The following USP31 variants were observed in gnomAD, a reference collection of about 807,000 sequenced individuals.
USP31 encodes the protein ubiquitin specific peptidase 31.
A neutral mutation model predicts 119.4 loss-of-function variants in USP31; 44 were observed. That is an observed-to-expected ratio of 0.37 (90% CI 0.29 to 0.47). USP31 has a LOEUF of 0.47. Ranked by LOEUF, USP31 falls within the 20% of genes least tolerant of loss-of-function variation. USP31 has a pLI of 0.99. For synonymous variants in USP31, 749 were observed against 705.6 expected (o/e 1.06, Z -0.97); for missense variants, 1,643 against 1,730.2 (o/e 0.95, Z 0.89).
At chr16:23,135,138 A>T (rs1364639334) in intron 1 of USP31, among the ~76,000 whole-genome samples, 13 of 60,868 alleles carry the variant, frequency 2.1e-4, no homozygotes, top group Admixed American at 9.6e-4. Context: ...TTCATGATTT[A>T]AAAAAAAAAA....
Position 23,090,746 on chromosome 16 carries a change from C to T in USP31, c.1293G>A (p.Leu431=). The change falls in exon 7 of 16, where the codon CTG becomes CTA. Residue 431 remains leucine (L), a synonymous_variant. Transcript: ENST00000219689. The stretch of plus-strand genomic sequence containing the variant: ...TTGCTGCTGTTTGTGTAGGAGAAGA[C>T]AGTCTATGATAATCCAAGCCAAATT... ...HLKFGLDYHR[L]SSPTQTAAKQ... 6.2e-7 allele frequency: 1 copy of T among 1,613,802 alleles called. No homozygotes were observed. Among genetic ancestry groups the T allele is most frequent in the Non-Finnish European group, 8.5e-7 (1 of 1,179,776 alleles).
At chr16:23,082,831 CTTTTTTTT>C (rs71151692) in intron 11 of USP31, among the ~76,000 whole-genome samples, 3 of 129,312 alleles carry the variant, frequency 2.3e-5, no homozygotes, top group South Asian at 5.0e-4. Context: ...CTTTCTCTCT[CTTTTTTTT>C]TTTTTTTTTG....
At chr16:23,134,717 T>C (rs1020820658) in intron 1 of USP31, among the ~76,000 whole-genome samples, 1 of 148,160 alleles carries the variant, frequency 6.7e-6, no homozygotes, top group Non-Finnish European at 1.5e-5. Context: ...AATTATCCTA[T>C]ATACAAGAAT....
rs977386625 is a variant in USP31, at chr16:23,064,906, C to T, written c.*3140G>A. 1 of 152,162 alleles carries T rather than the reference C, an allele frequency of 6.6e-6. No homozygotes were observed. The highest frequency in any genetic ancestry group is 1.5e-5 in the Non-Finnish European group (1 of 68,028). The allele number at this position is 152,162 out of a possible 1,614,324, so 9.4% of individuals were successfully genotyped here. A position where few individuals can be genotyped will look rare whatever the true frequency, so the allele number is the denominator to read the frequency against. On this transcript the variant is annotated 3_prime_UTR_variant, in exon 16 of 16. Coordinates refer to ENST00000219689, the MANE Select transcript of USP31 (RefSeq NM_020718.4). Reference sequence around the variant, plus strand: ...ACAGTATTTTAGCACACCACAAATACTCCCACATCCGTTCCCACTGGTCCA... The same window carrying T: ...ACAGTATTTTAGCACACCACAAATATTCCCACATCCGTTCCCACTGGTCCA...
chr16:23,113,119 T>C (rs1181861351), intron 1 of USP31, among the ~76,000 whole-genome samples: 1 of 152,098 alleles, frequency 6.6e-6, no homozygotes. Context: ...TAGGTGTCAC[T>C]ATACTGACGG....
chr16:23,125,717 T>C (rs190193982), intron 1 of USP31, among the ~76,000 whole-genome samples: 4 of 152,210 alleles, frequency 2.6e-5, no homozygotes, highest in Admixed American at 2.0e-4. Flanking sequence ...GTTGTCACTG[T>C]ACTGTTATAA....
rs1399798241 is a variant in USP31, at chr16:23,062,928, A to G, written c.*5118T>C. The G allele has an allele frequency of 6.6e-6, 1 of 152,668 alleles. No individual in the cohort carries two copies. Among genetic ancestry groups the G allele is most frequent in the Non-Finnish European group, 1.5e-5 (1 of 68,044 alleles). The allele number at this position is 152,668 out of a possible 1,614,324, so 9.5% of individuals were successfully genotyped here. ...AATTCAAATGGCAGTGATTCTCGCC[A>G]TAATTCTCAGTAAAGGGATGACGTA... On this transcript the variant is annotated 3_prime_UTR_variant, in exon 16 of 16. Transcript: ENST00000219689.
At chr16:23,147,034 G>C (rs1854690016) in intron 1 of USP31, among the ~76,000 whole-genome samples, 1 of 151,202 alleles carries the variant, frequency 6.6e-6, no homozygotes, top group African/African-American at 2.4e-5. Flanking sequence ...ATCAAGCTGA[G>C]ACTTCGTCCT....
intron 1 of USP31, among the ~76,000 whole-genome samples, chr16:23,117,383 G>A (rs1182764907): frequency 6.6e-6 from 1 of 152,156 alleles, no homozygotes; most frequent in African/African-American, 2.4e-5. Context: ...GCTGAATAAC[G>A]ACTAGTAAAG....
At chr16:23,080,240 G>T (rs1900758280) in intron 12 of USP31, 69 bp from the exon 13 acceptor site, 6 of 1,347,758 alleles carry the variant, frequency 4.5e-6, no homozygotes, top group Admixed American at 4.7e-5. Context: ...ACTTTAGAGG[G>T]GAATGTGGAT....
chr16:23,073,532 C>T (rs1394926491), intron 14 of USP31, among the ~76,000 whole-genome samples, 190 bp downstream of exon 14: 4 of 152,168 alleles, frequency 2.6e-5, no homozygotes, highest in Non-Finnish European at 5.9e-5. Context: ...TCCACTGGGC[C>T]ACAGGTGCTG....
At chr16:23,118,240 CA>C (rs2141885366) in intron 1 of USP31, among the ~76,000 whole-genome samples, 1 of 152,232 alleles carries the variant, frequency 6.6e-6, no homozygotes, top group Non-Finnish European at 1.5e-5. Context: ...AAACTCTGTA[CA>C]GATGCTATTA....
At chr16:23,118,654 G>A (rs939317046) in intron 1 of USP31, among the ~76,000 whole-genome samples, 7 of 152,102 alleles carry the variant, frequency 4.6e-5, no homozygotes, top group African/African-American at 1.4e-4. Flanking sequence ...TGTATCACTA[G>A]ACAGTGAACA....
chr16:23,110,830 G>GC (rs1902290501), intron 1 of USP31, among the ~76,000 whole-genome samples: 2 of 152,118 alleles, frequency 1.3e-5, no homozygotes, highest in Non-Finnish European at 2.9e-5. Context: ...ATATATGGGA[G>GC]TAAAGAGAAA....
Position 23,137,012 on chromosome 16 carries a change from A to C in USP31, c.633+11626T>G, listed in dbSNP as rs138535075. Among the ~76,000 whole-genome samples the C allele has an allele frequency of 9.3e-3, 1,410 of 152,314 alleles. 17 individuals carry two copies. The highest frequency in any genetic ancestry group is 0.029 in the African/African-American group (1,223 of 41,564). ...TGGATCACTTGAGCCCAGGAGTTCA[A>C]GACCAGCCTAGGCAACAAGGTAAAA... On this transcript the variant is annotated intron_variant, in intron 1 of 15. Transcript: ENST00000219689.
intron 5 of USP31, 57 bp downstream of exon 5, chr16:23,105,384 G>A: frequency 6.8e-7 from 1 of 1,478,738 alleles, no homozygotes; most frequent in Non-Finnish European, 9.0e-7. Context: ...AATTCTAAGA[G>A]AACAGAAAGC....
intron 7 of USP31, among the ~76,000 whole-genome samples, chr16:23,090,283 G>A (rs1186692078): frequency 2.0e-5 from 3 of 152,164 alleles, no homozygotes; most frequent in Non-Finnish European, 4.4e-5. Context: ...CTACTCGGAA[G>A]GCTGAGCCAA....
intron 11 of USP31, 117 bp from the exon 12 acceptor site, chr16:23,082,674 T>G: frequency 7.3e-7 from 1 of 1,377,592 alleles, no homozygotes; most frequent in Non-Finnish European, 9.9e-7. Context: ...AAACCGCAGA[T>G]GCTGGGCATC....
Position 23,062,355 on chromosome 16 carries a change from A to C in USP31, c.*5691T>G, listed in dbSNP as rs1050522006. On this transcript the variant is annotated 3_prime_UTR_variant, in exon 16 of 16. Transcript: ENST00000219689. Reference sequence around the variant, plus strand: ...AACAAAACAAAACAAAAACACGAAAAAATAGCAATAAGGGTTTTTTTTTTT... The same window carrying C: ...AACAAAACAAAACAAAAACACGAAACAATAGCAATAAGGGTTTTTTTTTTT... 9 of 151,308 alleles carry C rather than the reference A, an allele frequency of 5.9e-5. No individual in the cohort carries two copies. Among genetic ancestry groups the C allele is most frequent in the Non-Finnish European group, 1.3e-4 (9 of 67,726 alleles). The allele number at this position is 151,308 out of a possible 1,614,324, so 9.4% of individuals were successfully genotyped here.
Sources: gnomAD v4.1 joint callset for allele counts (sites outside exome capture counted in the v4.1 genomes callset) on GRCh38, gnomAD v4.1.1 for gene constraint, MANE v1.5 for transcripts, NCBI Gene and HGNC (gene_info 2026-07-23, HGNC 2026-07-21) for gene names.